DAAM1: variants seen among roughly 807,000 people sequenced by gnomAD.
DAAM1 encodes the protein dishevelled associated activator of morphogenesis 1, also known as disheveled-associated activator of morphogenesis 1.
In DAAM1, 52 loss-of-function variants were observed where a neutral mutation model predicts 130.0. The ratio of observed to expected loss-of-function variants is 0.40; its 90% CI spans 0.32 to 0.50. DAAM1 has a LOEUF of 0.50. Ranked by LOEUF, DAAM1 falls within the 20% of genes least tolerant of loss-of-function variation. DAAM1 has a pLI of 0.61. For missense variants in DAAM1, 1,134 were observed against 1,303.8 expected (o/e 0.87, Z 2.01); for synonymous variants, 452 against 444.5 (o/e 1.02, Z -0.21).
intron 1 of DAAM1, among the ~76,000 whole-genome samples, chr14:59,207,016 A>G (rs1696795546): frequency 2.0e-5 from 3 of 152,220 alleles, no homozygotes; most frequent in Admixed American, 2.0e-4. Flanking sequence ...GTTTAAAAAT[A>G]AGATTCTCAA....
chr14:59,327,296 C>T (rs1303081815), intron 12 of DAAM1, among the ~76,000 whole-genome samples: 1 of 151,946 alleles, frequency 6.6e-6, no homozygotes, highest in African/African-American at 2.4e-5. Flanking sequence ...AAACCCTTCC[C>T]CTACTCCGTC....
At chr14:59,204,384 C>G (rs1432901137) in intron 1 of DAAM1, among the ~76,000 whole-genome samples, 1 of 152,174 alleles carries the variant, frequency 6.6e-6, no homozygotes, top group Non-Finnish European at 1.5e-5. Flanking sequence ...TCCACATGGC[C>G]CACATTGGCA....
intron 1 of DAAM1, among the ~76,000 whole-genome samples, chr14:59,214,286 A>G (rs1043884932): frequency 1.3e-5 from 2 of 152,210 alleles, no homozygotes; most frequent in Non-Finnish European, 1.5e-5. Flanking sequence ...GTGGATCACT[A>G]TGAGGGATGT....
rs553415815 is a variant in DAAM1, at chr14:59,263,231, T to C, written c.-37-210T>C. Among the ~76,000 whole-genome samples the C allele has an allele frequency of 2.6e-4, 40 of 152,320 alleles. 1 individual carries two copies. Among genetic ancestry groups the C allele is most frequent in the African/African-American group, 8.9e-4 (37 of 41,580 alleles). On this transcript the variant is annotated intron_variant, in intron 1 of 24. Transcript: ENST00000360909. Reference sequence around the variant, plus strand: ...GGAGTTGTCCTGTTTGCTCAGCAGTTATTGCAGGAAACAGTCAACAAATGA... The same window carrying C: ...GGAGTTGTCCTGTTTGCTCAGCAGTCATTGCAGGAAACAGTCAACAAATGA...
chr14:59,216,607 G>T (rs192356659), intron 1 of DAAM1, among the ~76,000 whole-genome samples: 223 of 152,176 alleles, frequency 1.5e-3, no homozygotes, highest in African/African-American at 5.2e-3. Context: ...TGTAATCCCA[G>T]GTATTTGGGA....
intron 1 of DAAM1, among the ~76,000 whole-genome samples, chr14:59,261,565 C>T (rs966341296): frequency 6.6e-6 from 1 of 152,190 alleles, no homozygotes; most frequent in Non-Finnish European, 1.5e-5. Context: ...TCATTGTGGA[C>T]TCTGTGATAG....
intron 24 of DAAM1, 37 bp downstream of exon 24, chr14:59,367,636 G>A (rs1886972820): frequency 1.3e-6 from 2 of 1,595,128 alleles, no homozygotes; most frequent in Admixed American, 1.7e-5. Flanking sequence ...CCACCTCCTA[G>A]AAGTTCTATG....
rs1419113038 is a variant in DAAM1, at chr14:59,347,597, G to T, written c.2134G>T (p.Asp712Tyr). The T allele has an allele frequency of 1.2e-6, 2 of 1,613,932 alleles. No individual in the cohort carries two copies. The highest frequency in any genetic ancestry group is 1.7e-6 in the Non-Finnish European group (2 of 1,179,894). The change falls in exon 17 of 25, where the codon GAT becomes TAT. Residue 712 changes from aspartate to tyrosine, a missense_variant. Asp to Tyr is a radical substitution (Grantham distance 160). Transcript: ENST00000360909. ...RAILTMDEQE[D>Y]LPKDMLEQLL... ...AATTCTAACAATGGACGAACAGGAA[G>T]ATCTGCCCAAGGACATGTTGGAACA...
At chr14:59,242,897 G>A (rs1881193286) in intron 1 of DAAM1, among the ~76,000 whole-genome samples, 1 of 152,136 alleles carries the variant, frequency 6.6e-6, no homozygotes, top group Non-Finnish European at 1.5e-5. Context: ...GAGAAAATTG[G>A]GCTGCCAGAA....
intron 1 of DAAM1, among the ~76,000 whole-genome samples, chr14:59,242,250 A>C (rs767802115): frequency 1.3e-5 from 2 of 152,192 alleles, no homozygotes; most frequent in Non-Finnish European, 2.9e-5. Flanking sequence ...TATTTTCTTT[A>C]TGATAGATCT....
intron 3 of DAAM1, among the ~76,000 whole-genome samples, chr14:59,311,670 A>G (rs1056755559): frequency 6.6e-6 from 1 of 151,952 alleles, no homozygotes; most frequent in African/African-American, 2.4e-5. Context: ...TTCCCTACAG[A>G]TGGGAAAGAT....
intron 2 of DAAM1, among the ~76,000 whole-genome samples, chr14:59,280,455 T>C (rs1194487367): frequency 6.7e-6 from 1 of 150,198 alleles, no homozygotes; most frequent in Non-Finnish European, 1.5e-5. Context: ...AATAATCAAA[T>C]AATCCTCACT....
Position 59,294,143 on chromosome 14 carries a change from A to G in DAAM1, c.273+2837A>G, listed in dbSNP as rs2139570530. 2.6e-5 allele frequency among the ~76,000 whole-genome samples: 4 copies of G among 152,322 alleles called. No homozygotes were observed. The South Asian group carries it at 8.3e-4, about 32-fold the overall frequency. Reference sequence around the variant, plus strand: ...AGGGGCCACTGAAGCCAACCGAAACAGATGGCGTGAGTTGGTGAAAAGCAA... The same window carrying G: ...AGGGGCCACTGAAGCCAACCGAAACGGATGGCGTGAGTTGGTGAAAAGCAA... On this transcript the variant is annotated intron_variant, in intron 3 of 24. Coordinates refer to ENST00000360909, the MANE Select transcript of DAAM1 (RefSeq NM_001270520.2).
At chr14:59,261,662 G>A (rs1253008) in intron 1 of DAAM1, among the ~76,000 whole-genome samples, 6 of 151,936 alleles carry the variant, frequency 3.9e-5, no homozygotes, top group East Asian at 1.9e-4. Flanking sequence ...TCAAGTCAGC[G>A]GAGGACTAGA....
chr14:59,348,603 G>T (rs940152287), intron 17 of DAAM1, among the ~76,000 whole-genome samples: 3 of 152,176 alleles, frequency 2.0e-5, no homozygotes, highest in African/African-American at 7.2e-5. Context: ...TCAGCTGTGG[G>T]CACAAGCAAC....
chr14:59,267,907 T>C (rs146206924), intron 2 of DAAM1, among the ~76,000 whole-genome samples: 19,870 of 147,010 alleles, frequency 0.14, 1,372 homozygotes, highest in Middle Eastern at 0.19. Flanking sequence ...CCCCCCTTTT[T>C]TTTTTTTTTT....
At chr14:59,307,307 A>C (rs1321279669) in intron 3 of DAAM1, among the ~76,000 whole-genome samples, 1 of 152,208 alleles carries the variant, frequency 6.6e-6, no homozygotes, top group Non-Finnish European at 1.5e-5. Context: ...CCAGTTTTGC[A>C]TCTGTTTGTA....
At chr14:59,332,005 A>T (rs569643837) in intron 15 of DAAM1, 85 bp downstream of exon 15, 1 of 1,156,094 alleles carries the variant, frequency 8.6e-7, no homozygotes, top group Non-Finnish European at 1.3e-6. Flanking sequence ...CATGGCCGTG[A>T]TGTGACCGGC....
intron 1 of DAAM1, among the ~76,000 whole-genome samples, chr14:59,193,786 C>G (rs767000609): frequency 6.6e-6 from 1 of 152,182 alleles, no homozygotes; most frequent in Non-Finnish European, 1.5e-5. Flanking sequence ...CTCTGAGTGT[C>G]TGGATTATCT....
Sources: allele counts gnomAD v4.1 joint callset (sites outside exome capture counted in the v4.1 genomes callset), GRCh38; gene constraint gnomAD v4.1.1; transcripts MANE v1.5; gene names NCBI Gene and HGNC (gene_info 2026-07-23, HGNC 2026-07-21).